CA5A: variants seen among roughly 807,000 people sequenced by gnomAD.
CA5A encodes the protein carbonic anhydrase 5A, mitochondrial.
A neutral mutation model predicts 37.1 loss-of-function variants in CA5A; 28 were observed. The observed-to-expected ratio is 0.75, with a 90% CI of 0.56 to 1.03. The LOEUF (loss-of-function observed/expected upper bound fraction) is 1.03, where lower values mean the gene tolerates loss of function less well. Among genes scored for constraint, CA5A ranks in the 50% least tolerant of loss-of-function variants. CA5A has a pLI of 0.00. For synonymous variants in CA5A, 171 were observed against 158.4 expected (o/e 1.08, Z -0.60); for missense variants, 444 against 399.9 (o/e 1.11, Z -0.94).
chr16:87,935,125 C>G (rs775943184), intron 1 of CA5A, among the ~76,000 whole-genome samples: 2 of 152,236 alleles, frequency 1.3e-5, no homozygotes, highest in African/African-American at 2.4e-5. Context: ...AAGCGTCAGT[C>G]GGACTGCATG....
At chr16:87,881,997 T>C (rs1208886405) in intron 4 of CA5A, 1 of 152,246 alleles carries the variant, frequency 6.6e-6, no homozygotes, top group Non-Finnish European at 1.5e-5. Context: ...TGGTGTCTTG[T>C]TGGACACGAT....
chr16:87,889,960 G>C (rs2055689899), intron 6 of CA5A, among the ~76,000 whole-genome samples: 1 of 152,212 alleles, frequency 6.6e-6, no homozygotes, highest in African/African-American at 2.4e-5. Flanking sequence ...GCCCCCTAGA[G>C]TTGCGCGCAT....
In CA5A at chr16:87,911,492, C is replaced by T. The variant is rs1342776417; in HGVS notation, c.341-6588G>A. 6.6e-6 allele frequency among the ~76,000 whole-genome samples: 1 copy of T among 152,098 alleles called. No individual in the cohort carries two copies. Among genetic ancestry groups the T allele is most frequent in the African/African-American group, 2.4e-5 (1 of 41,416 alleles). ...TGTTTGAAGGCTTAAAATTAGTACACGAGAAGTTTGAGATGTTCTAATTAC... is the reference window on the plus strand; with the variant it reads ...TGTTTGAAGGCTTAAAATTAGTACATGAGAAGTTTGAGATGTTCTAATTAC... On this transcript the variant is annotated intron_variant, in intron 2 of 6. Coordinates refer to ENST00000649794, the MANE Select transcript of CA5A (RefSeq NM_001739.2). The surrounding 1 kb of genome is among the most constrained non-coding windows in gnomAD (Gnocchi z 4.6).
chr16:87,932,278 C>A (rs993978915), intron 1 of CA5A, among the ~76,000 whole-genome samples: 4 of 152,164 alleles, frequency 2.6e-5, no homozygotes, highest in Admixed American at 2.0e-4. Flanking sequence ...TAGACAGAAC[C>A]CTAAAGCCAC....
chr16:87,892,155 T>C (rs1334291704), intron 5 of CA5A: 6 of 472,514 alleles, frequency 1.3e-5, no homozygotes, highest in Non-Finnish European at 2.2e-5. Context: ...TCCTGCCAAC[T>C]TACATTGGTG....
At chr16:87,905,620 A>C (rs1234176489) in intron 2 of CA5A, among the ~76,000 whole-genome samples, 1 of 152,130 alleles carries the variant, frequency 6.6e-6, no homozygotes, top group Non-Finnish European at 1.5e-5. Flanking sequence ...CTGCCTCCCA[A>C]AGCGCTGGGA....
chr16:87,891,776 T>C, intron 6 of CA5A, 23 bp downstream of exon 6: 2 of 1,476,804 alleles, frequency 1.4e-6, no homozygotes, highest in Non-Finnish European at 1.8e-6. Context: ...AGCGCCATCG[T>C]GCCAGTTACG....
chr16:87,917,605 CCACACATGTGCACACACAAA>C (rs2056166305), intron 2 of CA5A, among the ~76,000 whole-genome samples: 1 of 151,610 alleles, frequency 6.6e-6, no homozygotes, highest in Admixed American at 6.6e-5. Context: ...CATGCACACA[CCACACATGTGCACACACAAA>C]CACACATGTG....
chr16:87,895,302 T>C (rs544186654), intron 5 of CA5A, among the ~76,000 whole-genome samples: 11 of 152,228 alleles, frequency 7.2e-5, no homozygotes, highest in Admixed American at 6.5e-4. Context: ...TCCCAGCACT[T>C]TGGGAGGCCG....
chr16:87,899,354 G>A (rs192556413), intron 5 of CA5A, among the ~76,000 whole-genome samples: 1 of 139,972 alleles, frequency 7.1e-6, no homozygotes, highest in African/African-American at 2.7e-5. Flanking sequence ...TCGGCCTGGA[G>A]TGTAGTGGCA....
At chr16:87,925,960 C>T (rs535731898) in intron 2 of CA5A, among the ~76,000 whole-genome samples, 5 of 152,326 alleles carry the variant, frequency 3.3e-5, no homozygotes, top group East Asian at 3.9e-4. Flanking sequence ...CGGTGGCTCA[C>T]GCCTGTAACC....
At chr16:87,919,114 G>C (rs768237235) in intron 2 of CA5A, among the ~76,000 whole-genome samples, 2 of 152,230 alleles carry the variant, frequency 1.3e-5, no homozygotes, top group African/African-American at 4.8e-5. Context: ...CAGATGTGAA[G>C]CCGGTGGGGA....
chr16:87,917,666 GAC>G (rs1034956662), intron 2 of CA5A, among the ~76,000 whole-genome samples: 8 of 90,538 alleles, frequency 8.8e-5, no homozygotes, highest in Non-Finnish European at 1.2e-4. Context: ...TGCACATAGA[GAC>G]ACATGCACAC....
chr16:87,913,438 G>C (rs1179673904), intron 2 of CA5A, among the ~76,000 whole-genome samples: 1 of 151,890 alleles, frequency 6.6e-6, no homozygotes, highest in Non-Finnish European at 1.5e-5. Context: ...GAGTAGCTGG[G>C]ACCACCATGC....
downstream of CA5A, chr16:87,887,891 A>T: frequency 4.2e-6 from 2 of 480,236 alleles, no homozygotes; most frequent in Non-Finnish European, 3.6e-6. Flanking sequence ...TTACAGTGAA[A>T]CTAAGCACCC....
chr16:87,893,427 T>C (rs1219075584), intron 5 of CA5A: 2 of 514,956 alleles, frequency 3.9e-6, no homozygotes, highest in Middle Eastern at 1.2e-3. Context: ...ACGCCCGGCT[T>C]GCCTGGAGAC....
chr16:87,929,057 C>G (rs1174428437), intron 1 of CA5A, among the ~76,000 whole-genome samples: 1 of 149,672 alleles, frequency 6.7e-6, no homozygotes, highest in Non-Finnish European at 1.5e-5. Context: ...GCGTGAGCCA[C>G]CGCGCCCAGC....
At chr16:87,917,634 TGC>T (rs944508727) in intron 2 of CA5A, among the ~76,000 whole-genome samples, 43 of 150,374 alleles carry the variant, frequency 2.9e-4, no homozygotes, top group Non-Finnish European at 4.7e-4. Flanking sequence ...AACACACATG[TGC>T]GCACACACAT....
At position 87,911,300 on chromosome 16, in the gene CA5A, CAG is replaced by C. The variant is rs2056048813; in HGVS notation, c.341-6398_341-6397del. On this transcript the variant is annotated intron_variant, in intron 2 of 6. Coordinates refer to ENST00000649794, the MANE Select transcript of CA5A (RefSeq NM_001739.2). This position sits in a 1 kb window ranked among gnomAD's most constrained non-coding sequence, Gnocchi z 4.6. ...ATTGAACGATTGCCTCAGCGCGTGC[CAG>C]ACTCTCCAAACATAATAACAGATGA... Among the ~76,000 whole-genome samples, 1 of 152,088 alleles carries C rather than the reference CAG, an allele frequency of 6.6e-6. No individual in the cohort carries two copies. The highest frequency in any genetic ancestry group is 2.4e-5 in the African/African-American group (1 of 41,410).
Sources: gnomAD v4.1 joint callset for allele counts (sites outside exome capture counted in the v4.1 genomes callset) on GRCh38, gnomAD v4.1.1 for gene constraint, Gnocchi (gnomAD v3.1) non-coding constraint, MANE v1.5 for transcripts, NCBI Gene and HGNC (gene_info 2026-07-23, HGNC 2026-07-21) for gene names.